RYR2: variants seen among roughly 807,000 people sequenced by gnomAD.
RYR2 encodes the protein ryanodine receptor 2.
Under a neutral mutation model 601.1 loss-of-function variants are expected in RYR2, and 227 were observed. The ratio of observed to expected loss-of-function variants is 0.38; its 90% CI spans 0.34 to 0.42. RYR2 has a LOEUF of 0.42. RYR2 is among the 10% of genes least tolerant of loss of function. RYR2 has a pLI of 1.00. For missense variants in RYR2, 4,646 were observed against 6,156.5 expected, an observed-to-expected ratio of 0.75 and a Z score of 8.21; for synonymous variants, 2,223 against 2,175.1, an observed-to-expected ratio of 1.02 and a Z score of -0.61.
chr1:237,324,205 G>GT (rs569453068), intron 2 of RYR2, among the ~76,000 whole-genome samples: 113 of 151,900 alleles, frequency 7.4e-4, no homozygotes, highest in East Asian at 7.0e-3. Context: ...CAACACCATG[G>GT]TTTTTTTTGT....
At chr1:237,766,519 G>A (rs771197407) in intron 84 of RYR2, among the ~76,000 whole-genome samples, 1 of 152,196 alleles carries the variant, frequency 6.6e-6, no homozygotes, top group Non-Finnish European at 1.5e-5. Context: ...GTTTACCAGG[G>A]AAGTAGGATA....
At chr1:237,068,358 T>C (rs1418021899) in intron 1 of RYR2, among the ~76,000 whole-genome samples, 1 of 152,118 alleles carries the variant, frequency 6.6e-6, no homozygotes. Flanking sequence ...AATATTAGTT[T>C]AATAGCTAAT....
chr1:237,639,038 A>G lies in RYR2; in HGVS notation c.6952A>G (p.Asn2318Asp), dbSNP rs1006334960. The G allele has an allele frequency of 1.1e-5, 18 of 1,613,660 alleles. No homozygotes were observed. Among genetic ancestry groups the G allele is most frequent in the East Asian group, 2.2e-5 (1 of 44,876 alleles). Residue 2318 changes from asparagine (N) to aspartate (D), a missense_variant, in exon 46 of 105, where the codon AAT becomes GAT. This residue lies in a region of RYR2 where 137 missense variants were observed against 273.6 expected (regional missense o/e 0.50). Coordinates refer to ENST00000366574, the MANE Select transcript of RYR2 (RefSeq NM_001035.3). ...CNGESVEENA[N>D]VVVRLLIRRP... ...AGGGGAGAGTGTGGAGGAAAATGCA[A>G]ATGTCGTGGTGAGATTGCTCATTCG... is the stretch of plus-strand genomic sequence containing the variant.
chr1:237,563,293 C>T (rs982524618), intron 27 of RYR2, among the ~76,000 whole-genome samples: 6 of 151,676 alleles, frequency 4.0e-5, no homozygotes, highest in Non-Finnish European at 8.8e-5. Flanking sequence ...TGCCTGTAAC[C>T]CCAGCTACTC....
Position 237,781,617 on chromosome 1 carries a change from T to A in RYR2, c.11933T>A (p.Met3978Lys), listed in dbSNP as rs1695116818. The A allele has an allele frequency of 2.5e-6, 4 of 1,592,734 alleles. No individual in the cohort carries two copies. Among genetic ancestry groups the A allele is most frequent in the Non-Finnish European group, 8.6e-7 (1 of 1,165,432 alleles). Residue 3978 changes from methionine to lysine, a missense_variant, in exon 89 of 105, where the codon ATG becomes AAG. This residue lies in a region of RYR2 where 90 missense variants were observed against 213.3 expected (regional missense o/e 0.42). Coordinates refer to ENST00000366574, the MANE Select transcript of RYR2 (RefSeq NM_001035.3). ...GAATTAATGGATCTGCAGAAGGATA[T>A]GGTGGTCATGTTGCTGTCCATGTTA... Reference protein sequence around the residue: ...LKELMDLQKDMVVMLLSMLEG... With the variant: ...LKELMDLQKDKVVMLLSMLEG...
intron 97 of RYR2, among the ~76,000 whole-genome samples, chr1:237,801,367 C>CAAAA (rs71162423): frequency 0.019 from 1,791 of 95,270 alleles, 49 homozygotes; most frequent in East Asian, 0.11. Context: ...CCCATCTCTA[C>CAAAA]AAAAAAAAAA....
chr1:237,342,116 T>C (rs986143442), intron 3 of RYR2, among the ~76,000 whole-genome samples: 1 of 151,748 alleles, frequency 6.6e-6, no homozygotes, highest in African/African-American at 2.4e-5. Flanking sequence ...ATTTGAAGAC[T>C]TAAAAGAAGT....
chr1:237,579,334 G>A (rs909158865), intron 29 of RYR2, among the ~76,000 whole-genome samples: 2 of 136,746 alleles, frequency 1.5e-5, no homozygotes, highest in Admixed American at 8.5e-5. Flanking sequence ...TTGGCTCACT[G>A]CAACCCCCGC....
chr1:237,381,680 C>CAT (rs1701532062), intron 8 of RYR2, among the ~76,000 whole-genome samples: 2 of 152,174 alleles, frequency 1.3e-5, no homozygotes, highest in African/African-American at 4.8e-5. Context: ...CCTCTGAGAA[C>CAT]ATGCCTTGTG....
intron 101 of RYR2, among the ~76,000 whole-genome samples, chr1:237,822,189 T>C (rs1325922556): frequency 6.6e-6 from 1 of 151,682 alleles, no homozygotes; most frequent in Admixed American, 6.6e-5. Context: ...ACAAAGATAC[T>C]CCTAGAGAAG....
intron 1 of RYR2, among the ~76,000 whole-genome samples, chr1:237,077,335 T>C (rs1312307507): frequency 1.1e-5 from 1 of 91,246 alleles, no homozygotes; most frequent in Admixed American, 1.3e-4. Flanking sequence ...ACTGGCAAGT[T>C]GGATAAAGAG....
intron 2 of RYR2, among the ~76,000 whole-genome samples, chr1:237,277,399 A>G (rs76866236): frequency 6.6e-6 from 1 of 152,200 alleles, no homozygotes; most frequent in African/African-American, 2.4e-5. Flanking sequence ...GTATGAGCCA[A>G]TGTGATTAGA....
intron 56 of RYR2, among the ~76,000 whole-genome samples, chr1:237,662,938 G>C (rs772862805): frequency 2.6e-4 from 40 of 152,214 alleles, no homozygotes; most frequent in Non-Finnish European, 4.6e-4. Context: ...CTCATTAAGT[G>C]TGAATTCTTA....
chr1:237,148,480 C>A (rs1674259457), intron 1 of RYR2, among the ~76,000 whole-genome samples: 8 of 142,908 alleles, frequency 5.6e-5, no homozygotes, highest in African/African-American at 2.1e-4. Flanking sequence ...CGTAACAAAC[C>A]TGTGCATTCT....
chr1:237,459,204 A>G (rs1398917427), intron 16 of RYR2, among the ~76,000 whole-genome samples: 1 of 152,218 alleles, frequency 6.6e-6, no homozygotes, highest in Non-Finnish European at 1.5e-5. Context: ...ACTTGGTATA[A>G]GATGAATTTC....
chr1:237,211,135 A>T (rs980112492), intron 1 of RYR2, among the ~76,000 whole-genome samples: 3 of 152,158 alleles, frequency 2.0e-5, no homozygotes, highest in African/African-American at 4.8e-5. Context: ...ACGCGGATGC[A>T]TTTTATCTTT....
intron 27 of RYR2, among the ~76,000 whole-genome samples, chr1:237,556,780 C>T (rs887884449): frequency 2.0e-5 from 3 of 147,342 alleles, no homozygotes; most frequent in African/African-American, 7.6e-5. Flanking sequence ...AGTCATAACA[C>T]AGGGGGTTTA....
At chr1:237,569,124 A>G in intron 28 of RYR2, 21 bp from the exon 29 acceptor site, 1 of 1,594,890 alleles carries the variant, frequency 6.3e-7, no homozygotes, top group Non-Finnish European at 8.6e-7. Flanking sequence ...GTGACAAGGG[A>G]CTTTTCTGTC....
chr1:237,557,726 T>A (rs1157226847), intron 27 of RYR2, among the ~76,000 whole-genome samples: 1 of 151,898 alleles, frequency 6.6e-6, no homozygotes, highest in African/African-American at 2.4e-5. Flanking sequence ...CAGAAAAAAT[T>A]ATTTGGCATT....
Sources: gnomAD v4.1 joint callset for allele counts (sites outside exome capture counted in the v4.1 genomes callset) on GRCh38, gnomAD v4.1.1 for gene constraint, gnomAD v4.1.1 regional missense constraint, MANE v1.5 for transcripts, NCBI Gene and HGNC (gene_info 2026-07-23, HGNC 2026-07-21) for gene names.